Variants in IL1RAPL1 observed in about 807,000 individuals in gnomAD.
IL1RAPL1 encodes the protein interleukin-1 receptor accessory protein-like 1.
Under a neutral mutation model 48.4 loss-of-function variants are expected in IL1RAPL1, and 3 were observed. That is an observed-to-expected ratio of 0.06 (90% CI 0.03 to 0.16). The LOEUF (loss-of-function observed/expected upper bound fraction) is 0.16, where lower values mean the gene tolerates loss of function less well. IL1RAPL1 is among the 10% of genes least tolerant of loss of function. IL1RAPL1 has a pLI of 1.00. For missense variants in IL1RAPL1, 349 were observed against 530.6 expected (o/e 0.66, Z 3.36); for synonymous variants, 185 against 187.7 (o/e 0.99, Z 0.12).
intron 2 of IL1RAPL1, among the ~76,000 whole-genome samples, chrX:29,167,143 G>C (rs1044166497): frequency 8.1e-5 from 9 of 111,310 alleles, no homozygotes; most frequent in African/African-American, 2.9e-4. Flanking sequence ...ATCTTGTTTT[G>C]AACACGGTGA....
At position 28,779,719 on chromosome X, in the gene IL1RAPL1, C is replaced by T. The variant is rs747070907; in HGVS notation, c.-24-9601C>T. 4.2e-3 allele frequency among the ~76,000 whole-genome samples: 387 copies of T among 92,779 alleles called. 6 individuals carry two copies. Among genetic ancestry groups the T allele is most frequent in the African/African-American group, 0.014 (371 of 25,822 alleles). 80.6% of individuals were successfully genotyped at this position (92,779 alleles called of 115,157 possible). On this transcript the variant is annotated intron_variant, in intron 1 of 10. Coordinates refer to ENST00000378993, the MANE Select transcript of IL1RAPL1 (RefSeq NM_014271.4). ...GAATCAAGCTAATTAGCGTATTGCTCATCTTAAATACTTACCTTGCTTAAA... is the reference window on the plus strand; with the variant it reads ...GAATCAAGCTAATTAGCGTATTGCTTATCTTAAATACTTACCTTGCTTAAA...
intron 1 of IL1RAPL1, among the ~76,000 whole-genome samples, chrX:28,703,750 C>T (rs757724637): frequency 8.9e-6 from 1 of 112,076 alleles, no homozygotes; most frequent in Non-Finnish European, 1.9e-5. Context: ...TACATGTCTA[C>T]TCTAAAGCAA....
At position 29,817,298 on chromosome X, in the gene IL1RAPL1, A is replaced by G. The variant is rs1307248931; in HGVS notation, c.779-100166A>G. Among the ~76,000 whole-genome samples the G allele has an allele frequency of 4.5e-5, 5 of 112,027 alleles. No individual in the cohort carries two copies. The Admixed American group carries it at 4.8e-4, about 11-fold the overall frequency. The stretch of plus-strand genomic sequence containing the variant: ...CTTTGGTGGTACACTTTGACAGCCT[A>G]TTGGCCTTGTAGATTTTAATGCATT... On this transcript the variant is annotated intron_variant, in intron 6 of 10. Coordinates refer to ENST00000378993, the MANE Select transcript of IL1RAPL1 (RefSeq NM_014271.4).
chrX:29,393,199 G>T (rs1263821667), intron 3 of IL1RAPL1, among the ~76,000 whole-genome samples: 1 of 111,651 alleles, frequency 9.0e-6, no homozygotes, highest in African/African-American at 3.3e-5. Flanking sequence ...TCGGCTCACT[G>T]CAAGCTCCGC....
intron 1 of IL1RAPL1, among the ~76,000 whole-genome samples, chrX:28,734,344 C>T (rs1027965833): frequency 6.3e-5 from 7 of 110,622 alleles, no homozygotes; most frequent in Non-Finnish European, 1.3e-4. Context: ...TATAGTGGCC[C>T]CCATTATTTC....
rs1165288437 is a variant in IL1RAPL1, at chrX:29,240,769, G to A, written c.83-42169G>A. Among the ~76,000 whole-genome samples, 4 of 111,527 alleles carry A rather than the reference G, an allele frequency of 3.6e-5. No homozygotes were observed. The East Asian group carries it at 1.1e-3, about 32-fold the overall frequency. On this transcript the variant is annotated intron_variant, in intron 2 of 10. Transcript: ENST00000378993. ...ACTGCATATATGATTTATGGAATTT[G>A]ATGATAAGATCATGGAATTTTTCTC...
At chrX:28,624,885 C>A (rs886827245) in intron 1 of IL1RAPL1, among the ~76,000 whole-genome samples, 2 of 111,967 alleles carry the variant, frequency 1.8e-5, no homozygotes, top group African/African-American at 6.5e-5. Context: ...TTTCTGCACA[C>A]TTTCAAAGCT....
intron 2 of IL1RAPL1, among the ~76,000 whole-genome samples, chrX:29,002,155 CT>C: frequency 9.1e-6 from 1 of 110,214 alleles, no homozygotes; most frequent in East Asian, 2.8e-4. Flanking sequence ...CCACCTTAGC[CT>C]CCCAAAGTGT....
At chrX:29,461,558 A>G (rs1934803110) in intron 5 of IL1RAPL1, among the ~76,000 whole-genome samples, 2 of 111,650 alleles carry the variant, frequency 1.8e-5, no homozygotes, top group African/African-American at 3.2e-5. Context: ...AACACTTGTA[A>G]TTTAATGTTT....
At chrX:29,405,989 A>C (rs1473604837) in intron 5 of IL1RAPL1, among the ~76,000 whole-genome samples, 1 of 111,379 alleles carries the variant, frequency 9.0e-6, no homozygotes, top group Non-Finnish European at 1.9e-5. Context: ...AGTTCTACTG[A>C]TCTATTTTCA....
At chrX:29,055,461 A>G (rs972397573) in intron 2 of IL1RAPL1, among the ~76,000 whole-genome samples, 1 of 111,719 alleles carries the variant, frequency 9.0e-6, no homozygotes, top group African/African-American at 3.2e-5. Flanking sequence ...TCTAGTTATC[A>G]ATGTCAAATG....
In IL1RAPL1 at chrX:29,671,356, T is replaced by A. The variant is rs151040485; in HGVS notation, c.778+2852T>A. ...ATAGTGGTCATTTAAATTCTTTTAT[T>A]GTAGAAAGAAAGCAAAAAGCACTAA... On this transcript the variant is annotated intron_variant, in intron 6 of 10. Transcript: ENST00000378993. 6.8e-3 allele frequency among the ~76,000 whole-genome samples: 756 copies of A among 111,834 alleles called. 3 individuals carry two copies. The highest frequency in any genetic ancestry group is 0.011 in the Non-Finnish European group (596 of 53,194).
chrX:29,786,040 A>T (rs1323712375), intron 6 of IL1RAPL1, among the ~76,000 whole-genome samples: 1 of 93,126 alleles, frequency 1.1e-5, no homozygotes, highest in Admixed American at 1.2e-4. Flanking sequence ...GGGTGGGGGG[A>T]GGCCACAGTG....
intron 8 of IL1RAPL1, among the ~76,000 whole-genome samples, chrX:29,924,777 A>G (rs983877657): frequency 5.4e-5 from 6 of 112,092 alleles, no homozygotes; most frequent in African/African-American, 1.9e-4. Flanking sequence ...AATGATAAAC[A>G]TCTAGGTTTT....
At chrX:29,231,947 A>G (rs994384227) in intron 2 of IL1RAPL1, among the ~76,000 whole-genome samples, 3 of 111,906 alleles carry the variant, frequency 2.7e-5, no homozygotes, top group African/African-American at 9.7e-5. Flanking sequence ...TGGGCATAGT[A>G]TACTTTGAGT....
At chrX:29,024,718 G>A (rs1268362705) in intron 2 of IL1RAPL1, among the ~76,000 whole-genome samples, 1 of 111,679 alleles carries the variant, frequency 9.0e-6, no homozygotes, top group African/African-American at 3.2e-5. Context: ...TGTCTTTAAT[G>A]TCAGTATCTA....
chrX:29,388,106 C>CAAAAAAAA (rs71862742), intron 3 of IL1RAPL1, among the ~76,000 whole-genome samples: 9 of 51,719 alleles, frequency 1.7e-4, no homozygotes, highest in Non-Finnish European at 2.3e-4. Context: ...AAGGTTAAGC[C>CAAAAAAAA]AAAAAAAAAA....
intron 8 of IL1RAPL1, among the ~76,000 whole-genome samples, chrX:29,926,713 C>T (rs1932894834): frequency 9.0e-6 from 1 of 111,354 alleles, no homozygotes; most frequent in Non-Finnish European, 1.9e-5. Flanking sequence ...CATTGTAGAC[C>T]GTTTAGCAGT....
rs771631385 is a variant in IL1RAPL1 at position 28,988,300 on chromosome X, C to T, written c.82+198875C>T. 2.7e-5 allele frequency among the ~76,000 whole-genome samples: 3 copies of T among 111,687 alleles called. No individual in the cohort carries two copies. In the East Asian group the frequency reaches 8.5e-4, roughly 32 times the overall value. On this transcript the variant is annotated intron_variant, in intron 2 of 10. Transcript: ENST00000378993. ...TTTTTACCTGTATGAGGAAGACAGC[C>T]GTAATTCATCCTCCATTCATTTGTA...
Sources: gnomAD v4.1 joint callset for allele counts (sites outside exome capture counted in the v4.1 genomes callset) on GRCh38, gnomAD v4.1.1 for gene constraint, MANE v1.5 for transcripts, NCBI Gene and HGNC (gene_info 2026-07-23, HGNC 2026-07-21) for gene names.